DMD: variants seen among roughly 807,000 people sequenced by gnomAD.
DMD encodes the protein mutant dystrophin.
Under a neutral mutation model 330.1 loss-of-function variants are expected in DMD, and 63 were observed. That is an observed-to-expected ratio of 0.19 (90% CI 0.16 to 0.24). The LOEUF is 0.24. Among genes scored for constraint, DMD ranks in the 10% least tolerant of loss-of-function variants. The pLI, the probability that DMD is intolerant of heterozygous loss-of-function variation, is 1.00. For synonymous variants in DMD, 1,223 were observed against 959.8 expected (o/e 1.27, Z -5.07); for missense variants, 3,344 against 2,684.1 (o/e 1.25, Z -5.43).
chrX:32,936,875 T>C (rs779614333), intron 2 of DMD, among the ~76,000 whole-genome samples: 30 of 111,960 alleles, frequency 2.7e-4, no homozygotes, highest in Admixed American at 7.6e-4. Flanking sequence ...CTGGCTATGA[T>C]TGAGTCTCCT....
At chrX:32,589,692 T>C (rs1386657828) in intron 13 of DMD, among the ~76,000 whole-genome samples, 1 of 111,427 alleles carries the variant, frequency 9.0e-6, no homozygotes, top group Non-Finnish European at 1.9e-5. Context: ...AGCAGCAACA[T>C]TTCGAACTAT....
intron 1 of DMD, among the ~76,000 whole-genome samples, chrX:33,078,273 A>C (rs1351833178): frequency 1.8e-5 from 2 of 112,112 alleles, no homozygotes; most frequent in Non-Finnish European, 3.8e-5. Context: ...TCTATAAGTC[A>C]ACTTTGATTC....
At chrX:32,007,849 C>T (rs1311842700) in intron 44 of DMD, among the ~76,000 whole-genome samples, 1 of 111,490 alleles carries the variant, frequency 9.0e-6, no homozygotes, top group Non-Finnish European at 1.9e-5. Context: ...TCTGAATATT[C>T]AGCTAACAGT....
chrX:31,474,002 T>A (rs1188896186), intron 59 of DMD, among the ~76,000 whole-genome samples: 2 of 112,277 alleles, frequency 1.8e-5, no homozygotes, highest in African/African-American at 3.2e-5. Flanking sequence ...ATAAGCAGTA[T>A]AAATCATGAA....
intron 55 of DMD, among the ~76,000 whole-genome samples, chrX:31,603,363 C>T (rs1025910017): frequency 2.7e-5 from 3 of 111,206 alleles, no homozygotes; most frequent in Admixed American, 1.9e-4. Flanking sequence ...TAAAGTTCTA[C>T]TAAATGTATG....
chrX:32,298,078 G>T (rs765936122), intron 42 of DMD, among the ~76,000 whole-genome samples: 2 of 109,357 alleles, frequency 1.8e-5, no homozygotes, highest in East Asian at 5.8e-4. Flanking sequence ...TACTTTGAGG[G>T]GGATGGGGAG....
At chrX:32,537,062 G>A (rs189669187) in intron 17 of DMD, among the ~76,000 whole-genome samples, 5 of 111,697 alleles carry the variant, frequency 4.5e-5, no homozygotes, top group Non-Finnish European at 7.5e-5. Flanking sequence ...CATTTGGAGG[G>A]ATTTAGTGAT....
chrX:32,844,646 C>T lies in DMD; in HGVS notation c.264+137G>A. ...ACAATCAGGCATACACGAATTACAA[C>T]ATGTGCTCTCAGTAAGAACTGGTCT... On this transcript the variant is annotated intron_variant, in intron 4 of 78. Coordinates refer to ENST00000357033, the MANE Select transcript of DMD (RefSeq NM_004006.3). 3 of 540,609 alleles carry T rather than the reference C, an allele frequency of 5.5e-6. No homozygotes were observed. The Admixed American group carries it at 8.0e-5, about 14-fold the overall frequency. The allele number at this position is 540,609 out of a possible 1,213,427, so 44.6% of individuals were successfully genotyped here. A position where few individuals can be genotyped will look rare whatever the true frequency, so the allele number is the denominator to read the frequency against.
intron 62 of DMD, among the ~76,000 whole-genome samples, chrX:31,308,384 A>G (rs926359016): frequency 3.2e-4 from 36 of 111,909 alleles, no homozygotes; most frequent in African/African-American, 1.1e-3. Flanking sequence ...AGCATAATCT[A>G]GCCAGGCAAT....
intron 15 of DMD, among the ~76,000 whole-genome samples, chrX:32,568,316 T>A (rs189683762): frequency 9.0e-6 from 1 of 111,051 alleles, no homozygotes; most frequent in African/African-American, 3.3e-5. Flanking sequence ...CAGATCAGCC[T>A]GGCCAACATA....
chrX:33,271,765 C>CA (rs1157712032), intron 1 of DMD, among the ~76,000 whole-genome samples: 2,528 of 38,081 alleles, frequency 0.066, 132 homozygotes, highest in African/African-American at 0.21. Context: ...GACTCTGTCT[C>CA]AAAAAAAAAA....
intron 51 of DMD, among the ~76,000 whole-genome samples, chrX:31,730,485 AAATAT>A (rs1347508585): frequency 1.3e-3 from 144 of 112,087 alleles, no homozygotes; most frequent in African/African-American, 4.6e-3. Context: ...ATAAAAATAC[AAATAT>A]AATAAAGTTA....
rs141431684 is a variant in DMD at position 33,065,035 on chromosome X, T to C, written c.32-44835A>G. 8.0e-3 allele frequency among the ~76,000 whole-genome samples: 902 copies of C among 112,151 alleles called. 12 individuals are homozygous for C. The highest frequency in any genetic ancestry group is 0.028 in the African/African-American group (854 of 30,906). On this transcript the variant is annotated intron_variant, in intron 1 of 78. Coordinates refer to ENST00000357033, the MANE Select transcript of DMD (RefSeq NM_004006.3). ...ATGATACAGGTTTGTGTACAAATAT[T>C]ACATTAACATGGAAAAAGTGCTAAC...
At chrX:32,611,169 C>G in intron 12 of DMD, among the ~76,000 whole-genome samples, 1 of 106,522 alleles carries the variant, frequency 9.4e-6, no homozygotes, top group African/African-American at 3.5e-5. Context: ...TATCAATATT[C>G]AGGACTTGAA....
chrX:31,483,214 T>C (rs1285661131), intron 57 of DMD, among the ~76,000 whole-genome samples: 2 of 107,253 alleles, frequency 1.9e-5, no homozygotes, highest in Non-Finnish European at 3.8e-5. Flanking sequence ...GCCCAGCTAA[T>C]TTTTTGTATT....
intron 47 of DMD, among the ~76,000 whole-genome samples, chrX:31,925,609 C>T (rs1170472121): frequency 1.8e-5 from 2 of 111,409 alleles, no homozygotes; most frequent in Non-Finnish European, 3.8e-5. Context: ...CGGTGGCTCA[C>T]GCCTGTAATA....
chrX:31,322,154 G>T (rs910029460), intron 62 of DMD, among the ~76,000 whole-genome samples: 2 of 111,950 alleles, frequency 1.8e-5, no homozygotes, highest in Admixed American at 9.5e-5. Flanking sequence ...AAAGGAATTG[G>T]ATAAAAGTGA....
intron 45 of DMD, among the ~76,000 whole-genome samples, chrX:31,963,090 G>A (rs2095321527): frequency 8.9e-6 from 1 of 111,998 alleles, no homozygotes; most frequent in South Asian, 3.7e-4. Context: ...GACAACAGTT[G>A]TCTTACAAGG....
chrX:31,789,370 T>C (rs1275815338), intron 50 of DMD, among the ~76,000 whole-genome samples: 1 of 111,739 alleles, frequency 8.9e-6, no homozygotes, highest in African/African-American at 3.2e-5. Flanking sequence ...ACTTCCCTAA[T>C]CCACATTTTG....
Sources: gnomAD v4.1 joint callset for allele counts (sites outside exome capture counted in the v4.1 genomes callset) on GRCh38, gnomAD v4.1.1 for gene constraint, MANE v1.5 for transcripts, NCBI Gene and HGNC (gene_info 2026-07-23, HGNC 2026-07-21) for gene names.